Variants in SYNJ1 observed in about 807,000 individuals in gnomAD.
SYNJ1 encodes the protein synaptojanin 1, also known as polyphosphatidylinositol phosphatase SYNJ1.
SYNJ1 carries 78 observed loss-of-function variants against 168.2 expected under a neutral mutation model. The ratio of observed to expected loss-of-function variants is 0.46; its 90% CI spans 0.39 to 0.56. The LOEUF is 0.56. Among genes scored for constraint, SYNJ1 ranks in the 20% least tolerant of loss-of-function variants. The pLI, the probability that SYNJ1 is intolerant of heterozygous loss-of-function variation, is 0.00. For missense variants in SYNJ1, 1,303 were observed against 1,597.6 expected (o/e 0.82, Z 3.14); for synonymous variants, 539 against 548.6 (o/e 0.98, Z 0.24).
At chr21:32,643,346 G>T in intron 27 of SYNJ1, 64 bp downstream of exon 27, 1 of 1,551,214 alleles carries the variant, frequency 6.4e-7, no homozygotes, top group Non-Finnish European at 8.9e-7. Flanking sequence ...GGGTGGGGAG[G>T]TGGGGCGCTG....
chr21:32,721,946 G>T (rs533438659), intron 2 of SYNJ1, among the ~76,000 whole-genome samples: 1 of 151,954 alleles, frequency 6.6e-6, no homozygotes. Flanking sequence ...AGCACTTTGG[G>T]AGGCCAAGGC....
At chr21:32,670,153 A>T (rs2041132083) in intron 15 of SYNJ1, 135 bp downstream of exon 15, 1 of 622,220 alleles carries the variant, frequency 1.6e-6, no homozygotes, top group African/African-American at 1.9e-5. Context: ...AGTATGAGAA[A>T]TGCTCTTTTA....
At position 32,641,945 on chromosome 21, in the gene SYNJ1, T is replaced by C; in HGVS notation, c.3539A>G (p.Gln1180Arg). 6.2e-7 allele frequency: 1 copy of C among 1,613,978 alleles called. No individual in the cohort carries two copies. Among genetic ancestry groups the C allele is most frequent in the Non-Finnish European group, 8.5e-7 (1 of 1,179,934 alleles). Residue 1180 changes from glutamine (Q) to arginine (R), a missense_variant, in exon 29 of 33, where the codon CAA (glutamine) becomes CGA (arginine). This residue lies in a region of SYNJ1 where 383 missense variants were observed against 388.8 expected (regional missense o/e 0.99). Coordinates refer to ENST00000674351, the MANE Select transcript of SYNJ1 (RefSeq NM_203446.3). The part of the protein sequence containing the change: ...DNIGRSQPSP[Q>R]AGLAGPGPAG... ...AGGTCCTGGGCCTGCAAGTCCTGCT[T>C]GAGGTGAAGGCTGACTGCGTCCTGG... is the stretch of plus-strand genomic sequence containing the variant.
chr21:32,727,985 CCGCCACAGCCGCCGGGAG>C lies in SYNJ1; in HGVS notation c.-80_-63del. On this transcript the variant is annotated 5_prime_UTR_variant, in exon 1 of 33. Coordinates refer to ENST00000674351, the MANE Select transcript of SYNJ1 (RefSeq NM_203446.3). ...CCTCCTCCTCCTTCTCCCGCAGCCG[CCGCCACAGCCGCCGGGAG>C]CGTCACTTCCGCTCCAGCAGGCCCA... 1 of 1,535,538 alleles carries C rather than the reference CCGCCACAGCCGCCGGGAG, an allele frequency of 6.5e-7. No individual in the cohort carries two copies. The highest frequency in any genetic ancestry group is 8.7e-7 in the Non-Finnish European group (1 of 1,145,950).
intron 2 of SYNJ1, among the ~76,000 whole-genome samples, chr21:32,712,970 A>C (rs1287608660): frequency 6.6e-6 from 1 of 152,254 alleles, no homozygotes; most frequent in Non-Finnish European, 1.5e-5. Context: ...ACCAAAAAAC[A>C]TGTACAAGGA....
At chr21:32,698,930 C>G (rs1041681196) in intron 4 of SYNJ1, among the ~76,000 whole-genome samples, 1 of 152,126 alleles carries the variant, frequency 6.6e-6, no homozygotes, top group African/African-American at 2.4e-5. Context: ...AGTTTTGTTA[C>G]AATTAAATTC....
intron 22 of SYNJ1, among the ~76,000 whole-genome samples, chr21:32,651,198 T>C (rs980745898): frequency 1.3e-5 from 2 of 152,236 alleles, no homozygotes; most frequent in African/African-American, 2.4e-5. Flanking sequence ...CTCTCCCACA[T>C]AGTTTCAATT....
Position 32,639,764 on chromosome 21 carries a change from CA to C in SYNJ1, c.3603del (p.Ala1202LeufsTer18), listed in dbSNP as rs1569027756. 6.2e-7 allele frequency: 1 copy of C among 1,613,978 alleles called. No homozygotes were observed. The highest frequency in any genetic ancestry group is 8.5e-7 in the Non-Finnish European group (1 of 1,179,866). ...CTCTGTGGGGCACTGATAACTCCAG[CA>C]CGAGGAGGAATCGTCTACAGATAGG... ...YSTARPTIPP[R>X]AGVISAPQSH... On this transcript the variant is annotated frameshift_variant, in exon 30 of 33. Coordinates refer to ENST00000674351, the MANE Select transcript of SYNJ1 (RefSeq NM_203446.3). LOFTEE classifies it high-confidence loss of function.
chr21:32,636,155 T>G (rs2039556733), intron 31 of SYNJ1, among the ~76,000 whole-genome samples: 1 of 152,102 alleles, frequency 6.6e-6, no homozygotes, highest in African/African-American at 2.4e-5. Context: ...ATTAAATGGG[T>G]CTAGAATGCT....
chr21:32,634,132 A>C (rs974277824), intron 32 of SYNJ1, among the ~76,000 whole-genome samples: 7 of 152,230 alleles, frequency 4.6e-5, no homozygotes, highest in Non-Finnish European at 1.0e-4. Context: ...AACAGAAGTC[A>C]CCTGCTGCAT....
At chr21:32,650,714 A>G (rs1367026217) in intron 22 of SYNJ1, among the ~76,000 whole-genome samples, 1 of 152,250 alleles carries the variant, frequency 6.6e-6, no homozygotes, top group East Asian at 1.9e-4. Flanking sequence ...TTCCCACGTG[A>G]AACAACTACA....
intron 31 of SYNJ1, 25 bp downstream of exon 31, chr21:32,638,883 A>ATTT: frequency 6.4e-7 from 1 of 1,569,822 alleles, no homozygotes; most frequent in Non-Finnish European, 8.7e-7. Flanking sequence ...CAAAGATAAT[A>ATTT]TTTTGTGTAA....
intron 6 of SYNJ1, among the ~76,000 whole-genome samples, chr21:32,688,997 C>T (rs559479081): frequency 6.6e-6 from 1 of 152,326 alleles, no homozygotes; most frequent in African/African-American, 2.4e-5. Flanking sequence ...AGTATTTGCA[C>T]ATTTTGCAGA....
chr21:32,660,149 T>C (rs1396501816), intron 18 of SYNJ1, among the ~76,000 whole-genome samples: 1 of 152,208 alleles, frequency 6.6e-6, no homozygotes, highest in Non-Finnish European at 1.5e-5. Context: ...ACTGTGCGGC[T>C]CTGGCCAAGG....
chr21:32,637,584 T>G (rs1248065129), intron 31 of SYNJ1, among the ~76,000 whole-genome samples: 1 of 151,944 alleles, frequency 6.6e-6, no homozygotes, highest in Non-Finnish European at 1.5e-5. Context: ...AATTTTTGTA[T>G]TTTTACAAAA....
chr21:32,706,446 T>C (rs1228886975), intron 2 of SYNJ1, among the ~76,000 whole-genome samples: 2 of 151,236 alleles, frequency 1.3e-5, no homozygotes, highest in Non-Finnish European at 2.9e-5. Context: ...TGGGTCATCA[T>C]GTCAGCAACC....
chr21:32,667,354 A>G lies in SYNJ1; in HGVS notation c.1812-781T>C, dbSNP rs112783634. Among the ~76,000 whole-genome samples, 11 of 152,272 alleles carry G rather than the reference A, an allele frequency of 7.2e-5. 1 individual carries two copies. Among genetic ancestry groups the G allele is most frequent in the African/African-American group, 2.6e-4 (11 of 41,566 alleles). ...AGAAGACATAATCATTAAACAAACCACCATATACCCATTTCAAAATTACCA... is the reference window on the plus strand; with the variant it reads ...AGAAGACATAATCATTAAACAAACCGCCATATACCCATTTCAAAATTACCA... On this transcript the variant is annotated intron_variant, in intron 15 of 32. Coordinates refer to ENST00000674351, the MANE Select transcript of SYNJ1 (RefSeq NM_203446.3).
At position 32,639,704 on chromosome 21, in the gene SYNJ1, C is replaced by G; in HGVS notation, c.3664G>C (p.Glu1222Gln). ...GTTTCTGATGTTTTGCTTTGGCTTT[C>G]AGGAGTCAGTCTTCCAGCAGATGCC... ...ARASAGRLTPESQSKTSETSK... is the reference protein window; with the variant it reads ...ARASAGRLTPQSQSKTSETSK... Residue 1222 changes from glutamate to glutamine, a missense_variant, in exon 30 of 33, where the codon GAA (glutamate) becomes CAA (glutamine). Physicochemically the swap from Glu to Gln is conservative, Grantham distance 29 (BLOSUM62 2). This residue lies in a region of SYNJ1 where 383 missense variants were observed against 388.8 expected (regional missense o/e 0.99). Transcript: ENST00000674351. The G allele has an allele frequency of 3.1e-6, 5 of 1,614,110 alleles. No homozygotes were observed. Among genetic ancestry groups the G allele is most frequent in the Non-Finnish European group, 4.2e-6 (5 of 1,180,012 alleles).
At chr21:32,687,888 A>C (rs1397503568) in intron 7 of SYNJ1, among the ~76,000 whole-genome samples, 1 of 152,168 alleles carries the variant, frequency 6.6e-6, no homozygotes, top group African/African-American at 2.4e-5. Flanking sequence ...AGATTTTGGT[A>C]TGTGAGGGTA....
Sources: allele counts gnomAD v4.1 joint callset (sites outside exome capture counted in the v4.1 genomes callset), GRCh38; gene constraint gnomAD v4.1.1; regional missense constraint gnomAD v4.1.1; transcripts MANE v1.5; gene names NCBI Gene and HGNC (gene_info 2026-07-23, HGNC 2026-07-21).